Variants in SLC36A1 observed in about 807,000 individuals in gnomAD.
SLC36A1 encodes the protein proton-coupled amino acid transporter 1.
In SLC36A1, 30 loss-of-function variants were observed where a neutral mutation model predicts 47.5. The observed-to-expected ratio is 0.63, with a 90% CI of 0.47 to 0.86. SLC36A1 has a LOEUF of 0.86. SLC36A1 is among the 40% of genes least tolerant of loss of function. The pLI, the probability that SLC36A1 is intolerant of heterozygous loss-of-function variation, is 0.00. For synonymous variants in SLC36A1, 255 were observed against 249.7 expected (o/e 1.02, Z -0.20); for missense variants, 517 against 606.0 (o/e 0.85, Z 1.54).
At chr5:151,429,477 G>A in the SLC36A1 span, among the ~76,000 whole-genome samples, 1 of 151,066 alleles carries the variant, frequency 6.6e-6, no homozygotes, top group Non-Finnish European at 1.5e-5. Context: ...GCGATAGTTT[G>A]CTGAGAATGA....
the SLC36A1 span, chr5:151,512,032 T>G: frequency 2.0e-5 from 15 of 754,550 alleles, 1 homozygote; most frequent in South Asian, 2.8e-4. The surrounding 1 kb of genome is among the most constrained non-coding windows in gnomAD (Gnocchi z 4.1). Context: ...TTCCAACCTG[T>G]TACTCACAAG....
the SLC36A1 span, among the ~76,000 whole-genome samples, chr5:151,378,859 G>C: frequency 6.6e-6 from 1 of 152,228 alleles, no homozygotes; most frequent in Non-Finnish European, 1.5e-5. Flanking sequence ...CAGCCACCTG[G>C]GCCTGAGGGC....
the SLC36A1 span, among the ~76,000 whole-genome samples, chr5:151,536,150 C>T: frequency 1.3e-4 from 20 of 152,066 alleles, no homozygotes; most frequent in Non-Finnish European, 1.9e-4. Flanking sequence ...TGCAGATGTT[C>T]CAGTTTCTGC....
the SLC36A1 span, chr5:151,512,133 C>G: frequency 6.3e-7 from 1 of 1,593,934 alleles, no homozygotes. The surrounding 1 kb of genome is among the most constrained non-coding windows in gnomAD (Gnocchi z 4.1). Flanking sequence ...CTGGGATAAA[C>G]CCTGGGTTCA....
the SLC36A1 span, chr5:151,521,661 C>T: frequency 1.2e-6 from 2 of 1,613,970 alleles, no homozygotes; most frequent in African/African-American, 2.7e-5. Flanking sequence ...AGTGGTCACT[C>T]ACCAGCTCCT....
chr5:151,525,735 T>C, the SLC36A1 span: 2 of 1,612,504 alleles, frequency 1.2e-6, no homozygotes, highest in Non-Finnish European at 1.7e-6. Context: ...ACTGTCCCCA[T>C]GGTCACCACC....
chr5:151,487,473 A>G (rs17112026), intron 10 of SLC36A1, among the ~76,000 whole-genome samples: 8,483 of 152,266 alleles, frequency 0.056, 713 homozygotes, highest in African/African-American at 0.19. Flanking sequence ...ACCTGTATCA[A>G]AATGCTCTGT....
the SLC36A1 span, chr5:151,543,742 C>T: frequency 6.8e-6 from 11 of 1,614,136 alleles, no homozygotes; most frequent in South Asian, 3.3e-5. Context: ...CACAGTTGCT[C>T]GGAAGACTCC....
chr5:151,498,041 G>T, the SLC36A1 span, among the ~76,000 whole-genome samples: 1 of 152,028 alleles, frequency 6.6e-6, no homozygotes, highest in East Asian at 1.9e-4. Context: ...CACCTCCTGG[G>T]TTCAAGCGAT....
the SLC36A1 span, among the ~76,000 whole-genome samples, chr5:151,397,281 T>TG: frequency 6.6e-6 from 1 of 152,196 alleles, no homozygotes; most frequent in Admixed American, 6.5e-5. Context: ...TGCATACACA[T>TG]GGAGCCCATT....
chr5:151,415,725 G>C, the SLC36A1 span, among the ~76,000 whole-genome samples: 1 of 152,092 alleles, frequency 6.6e-6, no homozygotes, highest in African/African-American at 2.4e-5. Context: ...GTGGCTACTC[G>C]ATTGATGTTT....
At chr5:151,545,003 C>T in the SLC36A1 span, 1 of 1,614,192 alleles carries the variant, frequency 6.2e-7, no homozygotes, top group Non-Finnish European at 8.5e-7. Context: ...TTGTCCCTCA[C>T]TTCCACTGCC....
chr5:151,428,647 T>C, the SLC36A1 span, among the ~76,000 whole-genome samples: 7 of 152,188 alleles, frequency 4.6e-5, no homozygotes, highest in Admixed American at 1.3e-4. Flanking sequence ...TGACTTTTTT[T>C]TTTTAGACCG....
chr5:151,541,218 C>T, the SLC36A1 span, among the ~76,000 whole-genome samples: 1 of 152,184 alleles, frequency 6.6e-6, no homozygotes, highest in Non-Finnish European at 1.5e-5. Flanking sequence ...CTAGGGTTTG[C>T]TTGTAAGTCA....
the SLC36A1 span, among the ~76,000 whole-genome samples, chr5:151,403,555 C>T: frequency 1.3e-5 from 2 of 152,170 alleles, no homozygotes; most frequent in Non-Finnish European, 2.9e-5. Flanking sequence ...TAAAAGTTCC[C>T]TGAGGCCTCC....
chr5:151,507,391 C>T, the SLC36A1 span: 1 of 1,614,176 alleles, frequency 6.2e-7, no homozygotes, highest in Non-Finnish European at 8.5e-7. Context: ...GCTTGGGTGT[C>T]AACACCAACA....
the SLC36A1 span, among the ~76,000 whole-genome samples, chr5:151,407,994 G>A: frequency 6.0e-4 from 92 of 152,264 alleles, no homozygotes; most frequent in African/African-American, 1.7e-3. Flanking sequence ...CTTTAAATGC[G>A]CTGTTTACTT....
At chr5:151,358,159 C>T in the SLC36A1 span, among the ~76,000 whole-genome samples, 3 of 152,138 alleles carry the variant, frequency 2.0e-5, no homozygotes, top group African/African-American at 2.4e-5. Context: ...AAAAGTATAC[C>T]CTTATATTTG....
the SLC36A1 span, among the ~76,000 whole-genome samples, chr5:151,515,511 C>T: frequency 3.9e-5 from 6 of 152,118 alleles, no homozygotes; most frequent in Non-Finnish European, 8.8e-5. Context: ...CTTACACATC[C>T]GAAACTGCAC....
Sources: gnomAD v4.1 joint callset for allele counts (sites outside exome capture counted in the v4.1 genomes callset) on GRCh38, gnomAD v4.1.1 for gene constraint, Gnocchi (gnomAD v3.1) non-coding constraint, MANE v1.5 for transcripts, NCBI Gene and HGNC (gene_info 2026-07-23, HGNC 2026-07-21) for gene names.